The following NUBPL variants were observed in gnomAD, a reference collection of about 807,000 sequenced individuals.
NUBPL encodes iron-sulfur cluster transfer protein NUBPL.
NUBPL carries 31 observed loss-of-function variants against 45.7 expected under a neutral mutation model. The observed-to-expected ratio is 0.68, with a 90% CI of 0.51 to 0.92. NUBPL has a LOEUF of 0.92. Among genes scored for constraint, NUBPL ranks in the 40% least tolerant of loss-of-function variants. The pLI is 0.00. For synonymous variants in NUBPL, 144 were observed against 140.9 expected (o/e 1.02, Z -0.15); for missense variants, 401 against 398.7 (o/e 1.01, Z -0.05).
intron 3 of NUBPL, among the ~76,000 whole-genome samples, chr14:31,571,889 T>C (rs1406209733): frequency 6.6e-6 from 1 of 152,236 alleles, no homozygotes; most frequent in African/African-American, 2.4e-5. Context: ...AGCACTGTTA[T>C]ATGTGCTTTC....
At chr14:31,677,621 G>T (rs536273745) in intron 6 of NUBPL, among the ~76,000 whole-genome samples, 42 of 152,322 alleles carry the variant, frequency 2.8e-4, no homozygotes, top group African/African-American at 9.6e-4. Flanking sequence ...ACCATTCAGA[G>T]GCTCTTGTTC....
At chr14:31,814,074 G>A (rs1037707646) in intron 7 of NUBPL, among the ~76,000 whole-genome samples, 2 of 152,124 alleles carry the variant, frequency 1.3e-5, no homozygotes, top group African/African-American at 4.8e-5. Context: ...TGGGTCAATG[G>A]TATTTCTGGT....
At chr14:31,754,259 A>G (rs1161791846) in intron 6 of NUBPL, among the ~76,000 whole-genome samples, 1 of 152,230 alleles carries the variant, frequency 6.6e-6, no homozygotes, top group Non-Finnish European at 1.5e-5. Flanking sequence ...TATAAGATCT[A>G]GGCAGCAATT....
chr14:31,621,635 C>T (rs2035065525), intron 4 of NUBPL, among the ~76,000 whole-genome samples: 1 of 152,190 alleles, frequency 6.6e-6, no homozygotes, highest in Non-Finnish European at 1.5e-5. Context: ...TCCAACCAGT[C>T]CCAATGAAAT....
chr14:31,693,217 T>C (rs2037131189), intron 6 of NUBPL, among the ~76,000 whole-genome samples: 1 of 152,158 alleles, frequency 6.6e-6, no homozygotes, highest in South Asian at 2.1e-4. Context: ...ATATTAGTAG[T>C]TGTAAGGCAT....
At chr14:31,690,901 C>T (rs983435508) in intron 6 of NUBPL, among the ~76,000 whole-genome samples, 4 of 152,172 alleles carry the variant, frequency 2.6e-5, no homozygotes, top group Non-Finnish European at 5.9e-5. Flanking sequence ...GTAGAAGAAA[C>T]TGTGCCAGGA....
At chr14:31,731,004 A>C (rs1394072345) in intron 6 of NUBPL, among the ~76,000 whole-genome samples, 3 of 152,222 alleles carry the variant, frequency 2.0e-5, no homozygotes, top group Admixed American at 2.0e-4. Context: ...AGTGAAAATG[A>C]TACACTGGAA....
chr14:31,659,414 A>G (rs1469320163), intron 4 of NUBPL, among the ~76,000 whole-genome samples: 1 of 152,208 alleles, frequency 6.6e-6, no homozygotes, highest in Non-Finnish European at 1.5e-5. Flanking sequence ...TGCTATGATC[A>G]ATTACTGGTG....
chr14:31,561,536 T>A lies in NUBPL; in HGVS notation c.97T>A (p.Cys33Ser). ...GCTTGGGGGAAGCCGAGCGATGGTTTGTGGGCGCCAGGTCCGTGGTGCTGC... is the reference window on the plus strand; with the variant it reads ...GCTTGGGGGAAGCCGAGCGATGGTTAGTGGGCGCCAGGTCCGTGGTGCTGC... ...APLGGSRAMV[C>S]GRQLSGAGSE... Residue 33 changes from cysteine to serine, a missense_variant, in exon 1 of 11, where the codon TGT becomes AGT. Coordinates refer to ENST00000281081, the MANE Select transcript of NUBPL (RefSeq NM_025152.3). 7.2e-7 allele frequency: 1 copy of A among 1,380,386 alleles called. No homozygotes were observed. The highest frequency in any genetic ancestry group is 9.4e-7 in the Non-Finnish European group (1 of 1,059,428). 85.5% of individuals were successfully genotyped at this position (1,380,386 alleles called of 1,614,324 possible). A position where few individuals can be genotyped will look rare whatever the true frequency, so the allele number is the denominator to read the frequency against.
At chr14:31,682,929 A>G (rs1484935993) in intron 6 of NUBPL, among the ~76,000 whole-genome samples, 1 of 151,668 alleles carries the variant, frequency 6.6e-6, no homozygotes, top group Non-Finnish European at 1.5e-5. Context: ...GGCTGCTCCC[A>G]CTCATGGTGG....
At position 31,643,015 on chromosome 14, in the gene NUBPL, A is replaced by G. The variant is rs113537424; in HGVS notation, c.383-30340A>G. 3.9e-4 allele frequency among the ~76,000 whole-genome samples: 59 copies of G among 152,216 alleles called. 1 individual carries two copies. The highest frequency in any genetic ancestry group is 1.3e-3 in the African/African-American group (52 of 41,564). ...TTATATGTTGATTTTGTGTAGTGCA[A>G]CTTTACTCAATTCATTTATCTGTCC... On this transcript the variant is annotated intron_variant, in intron 4 of 10. Transcript: ENST00000281081.
At chr14:31,849,465 G>C (rs2040504738) in intron 9 of NUBPL, among the ~76,000 whole-genome samples, 1 of 152,142 alleles carries the variant, frequency 6.6e-6, no homozygotes, top group Non-Finnish European at 1.5e-5. Context: ...TAATAGTAAT[G>C]TGTCCTCAAG....
At chr14:31,761,671 A>G (rs1358015561) in intron 6 of NUBPL, among the ~76,000 whole-genome samples, 2 of 152,204 alleles carry the variant, frequency 1.3e-5, no homozygotes, top group African/African-American at 2.4e-5. Flanking sequence ...TGATCAGTAC[A>G]TATAAATATA....
At chr14:31,564,004 A>G (rs915186550) in intron 2 of NUBPL, among the ~76,000 whole-genome samples, 4 of 152,234 alleles carry the variant, frequency 2.6e-5, no homozygotes, top group East Asian at 1.9e-4. Context: ...AGAGTACACA[A>G]TAGAAGGTGG....
At chr14:31,783,697 T>A (rs1396946496) in intron 6 of NUBPL, among the ~76,000 whole-genome samples, 2 of 152,102 alleles carry the variant, frequency 1.3e-5, no homozygotes, top group Non-Finnish European at 2.9e-5. Context: ...GTTGTATTTT[T>A]AGCAGAGACA....
At chr14:31,671,590 T>C (rs2036571182) in intron 4 of NUBPL, among the ~76,000 whole-genome samples, 1 of 152,158 alleles carries the variant, frequency 6.6e-6, no homozygotes, top group African/African-American at 2.4e-5. Flanking sequence ...GCCAAAAATA[T>C]TGCCAACCGT....
At chr14:31,640,750 T>G (rs1177351419) in intron 4 of NUBPL, among the ~76,000 whole-genome samples, 1 of 152,160 alleles carries the variant, frequency 6.6e-6, no homozygotes, top group Non-Finnish European at 1.5e-5. Flanking sequence ...ATTTTCAGGG[T>G]ACATGTGTTA....
intron 6 of NUBPL, among the ~76,000 whole-genome samples, chr14:31,757,884 C>T (rs1162321925): frequency 6.6e-6 from 1 of 152,082 alleles, no homozygotes; most frequent in African/African-American, 2.4e-5. Context: ...GTTCAGAGTA[C>T]ATTTATTTTC....
chr14:31,759,160 G>C (rs1156235024), intron 6 of NUBPL, among the ~76,000 whole-genome samples: 2 of 152,066 alleles, frequency 1.3e-5, no homozygotes, highest in African/African-American at 4.8e-5. Flanking sequence ...TGCCAGGACA[G>C]TTTTTATTCT....
Sources: allele counts gnomAD v4.1 joint callset (sites outside exome capture counted in the v4.1 genomes callset), GRCh38; gene constraint gnomAD v4.1.1; transcripts MANE v1.5; gene names NCBI Gene and HGNC (gene_info 2026-07-23, HGNC 2026-07-21).